SHROOM2: variants seen among roughly 807,000 people sequenced by gnomAD.
SHROOM2 encodes protein Shroom2.
In SHROOM2, 33 loss-of-function variants were observed where a neutral mutation model predicts 75.9. The ratio of observed to expected loss-of-function variants is 0.43; its 90% CI spans 0.33 to 0.58. The LOEUF (loss-of-function observed/expected upper bound fraction) is 0.58. Ranked by LOEUF, SHROOM2 falls within the 20% of genes least tolerant of loss-of-function variation. The probability of loss-of-function intolerance (pLI) is 0.04; values close to 1 mark genes in which losing one functional copy is unlikely to be tolerated. For missense variants in SHROOM2, 1,434 were observed against 1,461.2 expected (o/e 0.98, Z 0.30); for synonymous variants, 655 against 663.6 (o/e 0.99, Z 0.20).
intron 5 of SHROOM2, among the ~76,000 whole-genome samples, chrX:9,920,614 A>AT (rs2084536430): frequency 8.9e-6 from 1 of 112,137 alleles, no homozygotes. Flanking sequence ...TTCAGATATG[A>AT]TTTTTTTTCT....
In SHROOM2 at chrX:9,885,950, CAAA is replaced by C. The variant is rs35651225; in HGVS notation, c.318-5011_318-5009del. 6.2e-5 allele frequency among the ~76,000 whole-genome samples: 3 copies of C among 48,147 alleles called. 1 individual carries two copies. Among genetic ancestry groups the C allele is most frequent in the African/African-American group, 1.3e-4 (2 of 15,984 alleles). 41.8% of individuals were successfully genotyped at this position (48,147 alleles called of 115,157 possible). On this transcript the variant is annotated intron_variant, in intron 2 of 9. Transcript: ENST00000380913. Reference sequence around the variant, plus strand: ...CCTGGGTGGCAGAGGGAGAGCCTGTCAAAAAAAAAAAAAAAAAAGCCACAATTC... The same window carrying C: ...CCTGGGTGGCAGAGGGAGAGCCTGTCAAAAAAAAAAAAAAAGCCACAATTC...
At chrX:9,788,384 A>T (rs772432995) in intron 1 of SHROOM2, among the ~76,000 whole-genome samples, 9 of 111,568 alleles carry the variant, frequency 8.1e-5, no homozygotes, top group African/African-American at 2.9e-4. Context: ...GATAGCTTGC[A>T]TTAAGGTAAG....
chrX:9,806,232 C>A (rs1052337492), intron 1 of SHROOM2, among the ~76,000 whole-genome samples: 1 of 110,816 alleles, frequency 9.0e-6, no homozygotes, highest in African/African-American at 3.3e-5. Context: ...GAGAAACCTG[C>A]CCGTGGTTAT....
intron 1 of SHROOM2, among the ~76,000 whole-genome samples, chrX:9,841,557 T>G (rs2083979644): frequency 9.0e-6 from 1 of 111,671 alleles, no homozygotes; most frequent in African/African-American, 3.3e-5. Context: ...AGACACAAAA[T>G]GCGAACTCAC....
chrX:9,849,996 G>A (rs765809831), intron 1 of SHROOM2, among the ~76,000 whole-genome samples: 5 of 112,051 alleles, frequency 4.5e-5, no homozygotes, highest in African/African-American at 6.5e-5. Flanking sequence ...ATTGGGGACA[G>A]TGGTTTCCTG....
In SHROOM2 at chrX:9,910,137, A is replaced by G. The variant is rs143186188; in HGVS notation, c.2891+11847A>G. ...GCACAAGTGTTCAGTCTAAAGCTAT[A>G]GCACCCTCACAGCAAGAGGAGTCTG... On this transcript the variant is annotated intron_variant, in intron 5 of 9. Transcript: ENST00000380913. Among the ~76,000 whole-genome samples, 334 of 111,230 alleles carry G rather than the reference A, an allele frequency of 3.0e-3. 1 individual carries two copies. The highest frequency in any genetic ancestry group is 0.01 in the African/African-American group (318 of 30,528).
rs6530341 is a variant in SHROOM2 at position 9,895,072 on chromosome X, A to G, written c.1164A>G (p.Pro388=). The G allele has an allele frequency of 0.15, 177,714 of 1,205,657 alleles. 10,437 individuals carry two copies. Among genetic ancestry groups the G allele is most frequent in the East Asian group, 0.35 (11,732 of 33,388 alleles). ...AGGGATCGGGAGGCCCGGGCTGCCCACAGGAGGCCCACGCAGACGGCAGCT... is the reference window on the plus strand; with the variant it reads ...AGGGATCGGGAGGCCCGGGCTGCCCGCAGGAGGCCCACGCAGACGGCAGCT... ...LGKGSGGPGC[P]QEAHADGSWP... Residue 388 remains proline, a synonymous_variant, in exon 4 of 10, where the codon CCA becomes CCG. Transcript: ENST00000380913.
intron 6 of SHROOM2, among the ~76,000 whole-genome samples, chrX:9,935,007 AG>A (rs2084687144): frequency 9.0e-6 from 1 of 111,476 alleles, no homozygotes; most frequent in African/African-American, 3.3e-5. Context: ...TCCTGACCTC[AG>A]GTGATCTGTC....
chrX:9,844,730 G>A (rs1176666726), intron 1 of SHROOM2, among the ~76,000 whole-genome samples: 1 of 110,437 alleles, frequency 9.1e-6, no homozygotes, highest in Non-Finnish European at 1.9e-5. Flanking sequence ...AAGGAGAATG[G>A]CTTGAACCCG....
chrX:9,946,655 G>T lies in SHROOM2; in HGVS notation c.4585-16G>T, dbSNP rs1207365053. 4 of 1,198,998 alleles carry T rather than the reference G, an allele frequency of 3.3e-6. No individual in the cohort carries two copies. The highest frequency in any genetic ancestry group is 4.5e-6 in the Non-Finnish European group (4 of 888,806). ...TTTCATCCTGGTCCTCAACAGGCTT[G>T]TTTGTCTGTCAACAGCAATCACTGC... On this transcript the variant is annotated splice_polypyrimidine_tract_variant and intron_variant, in intron 9 of 9. Transcript: ENST00000380913.
intron 1 of SHROOM2, among the ~76,000 whole-genome samples, chrX:9,821,634 C>T (rs1348336756): frequency 8.9e-6 from 1 of 112,511 alleles, no homozygotes; most frequent in Non-Finnish European, 1.9e-5. Context: ...TTTGCTACCA[C>T]ATTTGCGAAC....
In SHROOM2 at chrX:9,895,207, C is replaced by T. The variant is rs201743318; in HGVS notation, c.1299C>T (p.Ser433=). The T allele has an allele frequency of 1.8e-5, 22 of 1,207,123 alleles. No homozygotes were observed. Among genetic ancestry groups the T allele is most frequent in the South Asian group, 1.8e-5 (1 of 56,120 alleles). The change falls in exon 4 of 10, where the codon AGC becomes AGT. Residue 433 remains serine, a synonymous_variant. Transcript: ENST00000380913. The part of the protein sequence containing the change: ...PHSGRHPPLY[S]DHSPLCADSL... ...GCGGCCGACACCCTCCCCTATACAG[C>T]GACCACAGCCCCCTCTGTGCTGACA...
At position 9,938,142 on chromosome X, in the gene SHROOM2, C is replaced by T. The variant is rs983248994; in HGVS notation, c.4139+457C>T. 4.5e-5 allele frequency among the ~76,000 whole-genome samples: 5 copies of T among 111,478 alleles called. No homozygotes were observed. In the Admixed American group the frequency reaches 4.7e-4, roughly 11 times the overall value. On this transcript the variant is annotated intron_variant, in intron 7 of 9. Coordinates refer to ENST00000380913, the MANE Select transcript of SHROOM2 (RefSeq NM_001649.4). ...CCCACAGAGAGTCATCCAGCCCCCA[C>T]GTGTCCCTAGTGCCAACATGAGAAT...
At chrX:9,885,480 A>G (rs1336494630) in intron 2 of SHROOM2, among the ~76,000 whole-genome samples, 3 of 110,530 alleles carry the variant, frequency 2.7e-5, no homozygotes, top group Non-Finnish European at 5.7e-5. Context: ...ACAAACAGAA[A>G]CCACTCTGAC....
In SHROOM2 at chrX:9,901,221, C is replaced by A. The variant is rs150535423; in HGVS notation, c.2891+2931C>A. ...CCAGTCCTATTGGATCAGAGCCCTC[C>A]CCAATGGCCCTAATTACCTAATTTT... On this transcript the variant is annotated intron_variant, in intron 5 of 9. Coordinates refer to ENST00000380913, the MANE Select transcript of SHROOM2 (RefSeq NM_001649.4). 8.5e-3 allele frequency among the ~76,000 whole-genome samples: 950 copies of A among 111,298 alleles called. 6 individuals carry two copies. Among genetic ancestry groups the A allele is most frequent in the Non-Finnish European group, 0.012 (625 of 53,049 alleles).
In SHROOM2 at chrX:9,939,285, C is replaced by A. The variant is rs1396596914; in HGVS notation, c.4230C>A (p.Ile1410=). 8.3e-7 allele frequency: 1 copy of A among 1,210,451 alleles called. No individual in the cohort carries two copies. The highest frequency in any genetic ancestry group is 1.1e-6 in the Non-Finnish European group (1 of 894,681). ...STSAPKAELL[I]KMKDLQEQQE... ...CGGCCCCCAAGGCGGAGCTGCTGAT[C>A]AAGATGAAGGACCTGCAGGAGCAGC... The change falls in exon 8 of 10, where the codon ATC becomes ATA. Residue 1410 remains isoleucine, a synonymous_variant. Transcript: ENST00000380913.
chrX:9,791,972 A>T (rs868638583), intron 1 of SHROOM2, among the ~76,000 whole-genome samples: 1 of 27 alleles, frequency 0.037, no homozygotes, highest in African/African-American at 0.1. Flanking sequence ...CCATCTCGAG[A>T]ATAGAATAGA....
rs73473836 is a variant in SHROOM2 at position 9,790,287 on chromosome X, C to T, written c.165+3577C>T. The stretch of plus-strand genomic sequence containing the variant: ...GGCCATGCCAAGTCACCTCGTGACC[C>T]GAGGACCGGGGAGATCAGAGTGACC... On this transcript the variant is annotated intron_variant, in intron 1 of 9. Coordinates refer to ENST00000380913, the MANE Select transcript of SHROOM2 (RefSeq NM_001649.4). Among the ~76,000 whole-genome samples the T allele has an allele frequency of 3.3e-3, 366 of 111,673 alleles. 4 individuals are homozygous for T. Among genetic ancestry groups the T allele is most frequent in the African/African-American group, 0.011 (340 of 30,687 alleles).
intron 1 of SHROOM2, among the ~76,000 whole-genome samples, chrX:9,795,990 C>G (rs1243689670): frequency 2.7e-5 from 3 of 111,157 alleles, no homozygotes; most frequent in African/African-American, 9.8e-5. Flanking sequence ...CTGGATCTTG[C>G]TCTCAGTTCC....
Sources: gnomAD v4.1 joint callset for allele counts (sites outside exome capture counted in the v4.1 genomes callset) on GRCh38, gnomAD v4.1.1 for gene constraint, MANE v1.5 for transcripts, NCBI Gene and HGNC (gene_info 2026-07-23, HGNC 2026-07-21) for gene names.